The following GORASP2 variants were observed in gnomAD, a reference collection of about 807,000 sequenced individuals.
The protein encoded by GORASP2 is golgi reassembly stacking protein 2, also known as Golgi reassembly-stacking protein 2.
A neutral mutation model predicts 45.7 loss-of-function variants in GORASP2; 22 were observed. That is an observed-to-expected ratio of 0.48 (90% CI 0.34 to 0.69). The LOEUF is 0.69. GORASP2 is among the 30% of genes least tolerant of loss of function. The probability of loss-of-function intolerance (pLI) is 0.01; values close to 1 mark genes in which losing one functional copy is unlikely to be tolerated. For synonymous variants in GORASP2, 221 were observed against 215.6 expected, an observed-to-expected ratio of 1.02 and a Z score of -0.22; for missense variants, 491 against 562.7, an observed-to-expected ratio of 0.87 and a Z score of 1.29.
At chr2:170,956,994 G>A (rs912895017) in intron 7 of GORASP2, among the ~76,000 whole-genome samples, 15 of 152,202 alleles carry the variant, frequency 9.9e-5, no homozygotes, top group Non-Finnish European at 1.9e-4. Context: ...AACTGCATAT[G>A]TACTCTGTGT....
At chr2:170,963,985 CAA>C (rs1704631838) in intron 9 of GORASP2, among the ~76,000 whole-genome samples, 1 of 152,072 alleles carries the variant, frequency 6.6e-6, no homozygotes, top group Non-Finnish European at 1.5e-5. Context: ...TATAAAAAAA[CAA>C]ACGTGAATAT....
At chr2:170,944,276 C>T (rs955481826) in intron 1 of GORASP2, among the ~76,000 whole-genome samples, 2 of 152,092 alleles carry the variant, frequency 1.3e-5, no homozygotes, top group African/African-American at 4.8e-5. Flanking sequence ...ATTTTCCATG[C>T]TACAAAATAT....
chr2:170,947,462 T>C (rs950249625), intron 1 of GORASP2, among the ~76,000 whole-genome samples: 5 of 152,236 alleles, frequency 3.3e-5, no homozygotes, highest in South Asian at 2.1e-4. Context: ...TTATCACTTT[T>C]TATGTCTGAA....
At chr2:170,950,780 G>A (rs768509665) in intron 4 of GORASP2, among the ~76,000 whole-genome samples, 2 of 152,140 alleles carry the variant, frequency 1.3e-5, no homozygotes, top group Non-Finnish European at 2.9e-5. Flanking sequence ...TCAGGAGTTC[G>A]AGACCAGTCT....
chr2:170,954,379 T>C, intron 5 of GORASP2: 3 of 322,482 alleles, frequency 9.3e-6, no homozygotes, highest in South Asian at 6.3e-5. Context: ...GGTGATGAAT[T>C]CTTGAAAAAT....
In GORASP2 at chr2:170,966,205, A is replaced by G; in HGVS notation, c.*75A>G. ...TGTCTGGAAACGCAAACTATCATTA[A>G]TTTCATACTAGTTTGTACCGTATCT... is the stretch of plus-strand genomic sequence containing the variant. On this transcript the variant is annotated 3_prime_UTR_variant, in exon 10 of 10. Transcript: ENST00000234160. The G allele has an allele frequency of 9.8e-7, 1 of 1,017,638 alleles. No homozygotes were observed. Among genetic ancestry groups the G allele is most frequent in the South Asian group, 1.3e-5 (1 of 77,096 alleles). The allele number at this position is 1,017,638 out of a possible 1,614,324, so 63.0% of individuals were successfully genotyped here.
At chr2:170,962,582 G>A (rs185686973) in intron 8 of GORASP2, among the ~76,000 whole-genome samples, 1 of 152,310 alleles carries the variant, frequency 6.6e-6, no homozygotes, top group Admixed American at 6.5e-5. Context: ...TTATTCCAGA[G>A]TGTTAAGAGT....
chr2:170,951,029 A>C (rs1704288249), intron 4 of GORASP2, among the ~76,000 whole-genome samples: 1 of 152,180 alleles, frequency 6.6e-6, no homozygotes, highest in African/African-American at 2.4e-5. Flanking sequence ...GTGCCCAGAC[A>C]ACCAGGTCTT....
Position 170,929,294 on chromosome 2 carries a change from C to A in GORASP2, c.-47C>A. On this transcript the variant is annotated 5_prime_UTR_variant, in exon 1 of 10. Transcript: ENST00000234160. ...ATTAGAGCAGGCGGTGCGCTGGGGG[C>A]GGGAGCAGCGCGGAGCCCGGCTCGG... is the stretch of plus-strand genomic sequence containing the variant. 1 of 1,310,004 alleles carries A rather than the reference C, an allele frequency of 7.6e-7. No individual in the cohort carries two copies. 81.1% of individuals were successfully genotyped at this position (1,310,004 alleles called of 1,614,324 possible).
chr2:170,943,364 A>G (rs1427465413), intron 1 of GORASP2, among the ~76,000 whole-genome samples: 1 of 152,226 alleles, frequency 6.6e-6, no homozygotes, highest in Non-Finnish European at 1.5e-5. Context: ...TTGGTTAGCT[A>G]TAAAGACTTA....
At chr2:170,954,055 A>G (rs1228196755) in intron 5 of GORASP2, 1 of 152,454 alleles carries the variant, frequency 6.6e-6, no homozygotes, top group East Asian at 1.9e-4. Flanking sequence ...ATGTGATCAC[A>G]TCTTACTAGA....
At chr2:170,963,683 C>G (rs574907100) in intron 9 of GORASP2, among the ~76,000 whole-genome samples, 5 of 152,208 alleles carry the variant, frequency 3.3e-5, no homozygotes, top group African/African-American at 9.6e-5. Context: ...GCTTTATCAC[C>G]CAGGCTGGAG....
intron 7 of GORASP2, among the ~76,000 whole-genome samples, chr2:170,958,962 G>A (rs1704491280): frequency 6.6e-6 from 1 of 151,862 alleles, no homozygotes; most frequent in Admixed American, 6.6e-5. Context: ...GAGCCACTGT[G>A]CCCGGCCCTT....
intron 1 of GORASP2, among the ~76,000 whole-genome samples, chr2:170,932,125 G>T (rs1247963561): frequency 2.0e-5 from 3 of 152,218 alleles, no homozygotes; most frequent in Non-Finnish European, 4.4e-5. Flanking sequence ...TACTTGGGAG[G>T]CTGAGGCAGG....
At chr2:170,948,592 ATAT>A in intron 2 of GORASP2, 162 bp downstream of exon 2, 1 of 525,596 alleles carries the variant, frequency 1.9e-6, no homozygotes, top group Non-Finnish European at 3.3e-6. Flanking sequence ...AATATCTATA[ATAT>A]TATACCTTAT....
intron 4 of GORASP2, among the ~76,000 whole-genome samples, chr2:170,950,892 G>A (rs1027518429): frequency 1.3e-5 from 2 of 152,164 alleles, no homozygotes; most frequent in African/African-American, 2.4e-5. Context: ...TGAGGTGGAA[G>A]GATCACTTGA....
intron 1 of GORASP2, among the ~76,000 whole-genome samples, chr2:170,944,285 A>G (rs1704137537): frequency 6.6e-6 from 1 of 152,230 alleles, no homozygotes; most frequent in Non-Finnish European, 1.5e-5. Flanking sequence ...GCTACAAAAT[A>G]TAGGAAATTT....
intron 1 of GORASP2, among the ~76,000 whole-genome samples, chr2:170,946,573 A>T (rs1704185788): frequency 6.6e-6 from 1 of 152,050 alleles, no homozygotes. Context: ...TCACTCTTTC[A>T]TTTAAAGGCC....
intron 1 of GORASP2, chr2:170,936,736 G>A (rs1302468017): frequency 2.2e-6 from 2 of 889,250 alleles, no homozygotes; most frequent in Non-Finnish European, 3.2e-6. Context: ...AGGTGAGGTG[G>A]GGGCCCAAGA....
Sources: gnomAD v4.1 joint callset for allele counts (sites outside exome capture counted in the v4.1 genomes callset) on GRCh38, gnomAD v4.1.1 for gene constraint, MANE v1.5 for transcripts, NCBI Gene and HGNC (gene_info 2026-07-23, HGNC 2026-07-21) for gene names.